POU3F3: variants seen among roughly 807,000 people sequenced by gnomAD.
The protein encoded by POU3F3 is POU class 3 homeobox 3, also known as POU domain, class 3, transcription factor 3.
A neutral mutation model predicts 8.6 loss-of-function variants in POU3F3; 1 was observed. That is an observed-to-expected ratio of 0.12 (90% CI 0.04 to 0.55). The LOEUF (loss-of-function observed/expected upper bound fraction) is 0.55, where lower values mean the gene tolerates loss of function less well. Among genes scored for constraint, POU3F3 ranks in the 20% least tolerant of loss-of-function variants. The pLI, the probability that POU3F3 is intolerant of heterozygous loss-of-function variation, is 0.91. For synonymous variants in POU3F3, 418 were observed against 327.4 expected (o/e 1.28, Z -2.99); for missense variants, 577 against 690.7 (o/e 0.84, Z 1.84).
chr2:104,920,076 G>A, the POU3F3 span, among the ~76,000 whole-genome samples: 20 of 152,180 alleles, frequency 1.3e-4, 1 homozygote, highest in South Asian at 3.3e-3. Context: ...GTGCACTGGC[G>A]CAATCTCAGC....
At chr2:104,903,317 C>A in the POU3F3 span, among the ~76,000 whole-genome samples, 1 of 152,194 alleles carries the variant, frequency 6.6e-6, no homozygotes, top group African/African-American at 2.4e-5. Context: ...TTCTGAACAG[C>A]CACTGCATAC....
chr2:104,898,207 G>A, the POU3F3 span, among the ~76,000 whole-genome samples: 2 of 152,202 alleles, frequency 1.3e-5, no homozygotes, highest in Non-Finnish European at 2.9e-5. Flanking sequence ...TCTGCAGCCT[G>A]GAAGGAGCAC....
chr2:104,882,179 G>A, the POU3F3 span, among the ~76,000 whole-genome samples: 3 of 151,708 alleles, frequency 2.0e-5, no homozygotes, highest in East Asian at 5.8e-4. Flanking sequence ...AAAATTTCAG[G>A]TATTGGCCTG....
the POU3F3 span, among the ~76,000 whole-genome samples, chr2:104,877,610 A>G: frequency 6.6e-6 from 1 of 151,778 alleles, no homozygotes; most frequent in Non-Finnish European, 1.5e-5. Flanking sequence ...CTGGGAGGCC[A>G]CAGTCTCTGG....
chr2:104,872,252 C>T, the POU3F3 span: 1 of 456,626 alleles, frequency 2.2e-6, no homozygotes, highest in Non-Finnish European at 4.4e-6. The surrounding 1 kb of genome is among the most constrained non-coding windows in gnomAD (Gnocchi z 4.6). Context: ...TCACCCGGCA[C>T]GGTCCTTCCA....
chr2:104,855,325 C>CGGCGGCGGAGGA lies in POU3F3; in HGVS notation c.-183_-172dup, dbSNP rs1478130632. The stretch of plus-strand genomic sequence containing the variant: ...GCGGCGGCGGCGGCGGGGGCGGAGG[C>CGGCGGCGGAGGA]GGCGGCGGAGGAGGAGGCGGCGAAG... On this transcript the variant is annotated 5_prime_UTR_variant, in exon 1 of 1. Coordinates refer to ENST00000361360, the MANE Select transcript of POU3F3 (RefSeq NM_006236.3). Among the ~76,000 whole-genome samples, 2 of 136,490 alleles carry CGGCGGCGGAGGA rather than the reference C, an allele frequency of 1.5e-5. No homozygotes were observed. The highest frequency in any genetic ancestry group is 5.3e-5 in the African/African-American group (2 of 37,772). 89.5% of individuals were successfully genotyped at this position (136,490 alleles called of 152,430 possible). A position where few individuals can be genotyped will look rare whatever the true frequency, so the allele number is the denominator to read the frequency against.
the POU3F3 span, among the ~76,000 whole-genome samples, chr2:104,911,813 C>A: frequency 6.6e-6 from 1 of 151,022 alleles, no homozygotes. Flanking sequence ...CAAGTGGTCT[C>A]GAGAGAGAGA....
the POU3F3 span, among the ~76,000 whole-genome samples, chr2:104,925,329 G>T: frequency 2.6e-5 from 4 of 152,304 alleles, no homozygotes; most frequent in South Asian, 8.3e-4. Context: ...GATGAGAAGG[G>T]TATTAAATGG....
the POU3F3 span, among the ~76,000 whole-genome samples, chr2:104,881,180 A>G: frequency 1.3e-4 from 13 of 96,904 alleles, no homozygotes; most frequent in Admixed American, 1.3e-3. Flanking sequence ...TGTTTGAGAG[A>G]TAAGGTCTCT....
the POU3F3 span, among the ~76,000 whole-genome samples, chr2:104,879,414 G>A: frequency 2.0e-5 from 3 of 152,216 alleles, no homozygotes; most frequent in Non-Finnish European, 2.9e-5. Flanking sequence ...GAGGGTACAT[G>A]GAGAGGGAAG....
At chr2:104,900,584 C>T in the POU3F3 span, among the ~76,000 whole-genome samples, 16 of 152,304 alleles carry the variant, frequency 1.1e-4, no homozygotes, top group African/African-American at 3.6e-4. Flanking sequence ...ATCTCATCTT[C>T]CCCTGTCGTC....
At chr2:104,921,515 A>G in the POU3F3 span, among the ~76,000 whole-genome samples, 2 of 152,186 alleles carry the variant, frequency 1.3e-5, no homozygotes. Context: ...GTCCCAAGTC[A>G]GGCAGCCATA....
the POU3F3 span, among the ~76,000 whole-genome samples, chr2:104,877,083 T>G: frequency 6.6e-6 from 1 of 151,430 alleles, no homozygotes. Flanking sequence ...CATTGCCTCT[T>G]CCCTTGTTAA....
the POU3F3 span, among the ~76,000 whole-genome samples, chr2:104,899,184 G>A: frequency 6.6e-6 from 1 of 152,208 alleles, no homozygotes; most frequent in Non-Finnish European, 1.5e-5. Context: ...CACAGACCCA[G>A]CACATAAGCG....
At chr2:104,927,389 G>C in the POU3F3 span, among the ~76,000 whole-genome samples, 1 of 151,920 alleles carries the variant, frequency 6.6e-6, no homozygotes, top group Admixed American at 6.6e-5. Flanking sequence ...AAAGGGAAAG[G>C]GGGTAGAAAG....
chr2:104,864,560 C>T, the POU3F3 span, among the ~76,000 whole-genome samples: 2 of 152,038 alleles, frequency 1.3e-5, no homozygotes, highest in Non-Finnish European at 2.9e-5. Context: ...GTAAAACATA[C>T]ATAATAAACA....
At chr2:104,918,384 T>G in the POU3F3 span, among the ~76,000 whole-genome samples, 2 of 152,268 alleles carry the variant, frequency 1.3e-5, no homozygotes, top group African/African-American at 4.8e-5. Context: ...AAAATTCATA[T>G]GTTCAAGTTC....
chr2:104,885,941 T>C, the POU3F3 span, among the ~76,000 whole-genome samples: 1 of 152,028 alleles, frequency 6.6e-6, no homozygotes, highest in Non-Finnish European at 1.5e-5. Flanking sequence ...GGATTACAGG[T>C]GCCTGCAATC....
rs1676516516 is a variant in POU3F3, at chr2:104,854,901, C to T, written c.-610C>T. 1.3e-5 allele frequency among the ~76,000 whole-genome samples: 2 copies of T among 152,176 alleles called. No homozygotes were observed. The highest frequency in any genetic ancestry group is 2.4e-5 in the African/African-American group (1 of 41,456). ...GAGAAGGAGCGGGCCGGTTGCTGGT[C>T]ATCCGTAATTTGGCTAAGGAAGAAA... On this transcript the variant is annotated 5_prime_UTR_variant, in exon 1 of 1. Transcript: ENST00000361360. This position sits in a 1 kb window ranked among gnomAD's most constrained non-coding sequence, Gnocchi z 4.5.
Sources: gnomAD v4.1 joint callset for allele counts (sites outside exome capture counted in the v4.1 genomes callset) on GRCh38, gnomAD v4.1.1 for gene constraint, Gnocchi (gnomAD v3.1) non-coding constraint, MANE v1.5 for transcripts, NCBI Gene and HGNC (gene_info 2026-07-23, HGNC 2026-07-21) for gene names.